QPCT: variants seen among roughly 807,000 people sequenced by gnomAD.
The protein encoded by QPCT is EC.
QPCT carries 44 observed loss-of-function variants against 43.4 expected under a neutral mutation model. The ratio of observed to expected loss-of-function variants is 1.01; its 90% CI spans 0.80 to 1.30. The LOEUF (loss-of-function observed/expected upper bound fraction) is 1.30. Among genes scored for constraint, QPCT ranks in the 50% most tolerant of loss-of-function variants. QPCT has a pLI of 0.00. For missense variants in QPCT, 526 were observed against 436.5 expected, an observed-to-expected ratio of 1.21 and a Z score of -1.83; for synonymous variants, 168 against 168.4, an observed-to-expected ratio of 1.00 and a Z score of 0.02.
At chr2:37,345,901 T>C (rs1486854517) in intron 1 of QPCT, among the ~76,000 whole-genome samples, 1 of 152,204 alleles carries the variant, frequency 6.6e-6, no homozygotes, top group Non-Finnish European at 1.5e-5. Flanking sequence ...TTACTTCCTT[T>C]TCTTGTGTAA....
chr2:37,371,764 C>T (rs888979980), intron 5 of QPCT, among the ~76,000 whole-genome samples: 1 of 152,140 alleles, frequency 6.6e-6, no homozygotes, highest in African/African-American at 2.4e-5. Context: ...GATTGCTGGA[C>T]TCCAGCCCCA....
intron 3 of QPCT, among the ~76,000 whole-genome samples, chr2:37,361,413 C>G (rs1330645611): frequency 1.3e-5 from 2 of 152,218 alleles, no homozygotes; most frequent in African/African-American, 4.8e-5. Flanking sequence ...GCTGTGCCCT[C>G]CCACTGTAGC....
chr2:37,366,449 G>A (rs780029113), intron 3 of QPCT, among the ~76,000 whole-genome samples: 1 of 152,152 alleles, frequency 6.6e-6, no homozygotes, highest in Non-Finnish European at 1.5e-5. Flanking sequence ...CCCAACTAAA[G>A]TATAGGCTAT....
chr2:37,350,776 A>G (rs79534557), intron 1 of QPCT, among the ~76,000 whole-genome samples: 3,648 of 152,342 alleles, frequency 0.024, 65 homozygotes, highest in Middle Eastern at 0.051. Flanking sequence ...AATTCATTCT[A>G]TGGCTCTTTA....
chr2:37,357,297 A>G (rs1304502935), intron 2 of QPCT, among the ~76,000 whole-genome samples: 1 of 149,892 alleles, frequency 6.7e-6, no homozygotes, highest in Admixed American at 6.6e-5. Context: ...TTTTTTTTTA[A>G]ATGACCCATT....
rs1255538124 is a variant in QPCT, at chr2:37,367,235, G to A, written c.550G>A (p.Val184Ile). ...LDKKLLSLKT[V>I]SDSKPDLSLQ... is the part of the protein sequence containing the mutation. The stretch of plus-strand genomic sequence containing the variant: ...TTTTTATTGTTGTTTTTACCAGACT[G>A]TTTCAGACTCCAAGCCAGATTTGTC... Residue 184 changes from valine (V) to isoleucine (I), a missense_variant, in exon 4 of 7, where the codon GTT becomes ATT. Transcript: ENST00000338415. The A allele has an allele frequency of 6.2e-7, 1 of 1,612,168 alleles. No homozygotes were observed. The highest frequency in any genetic ancestry group is 1.7e-5 in the Admixed American group (1 of 59,696).
In QPCT at chr2:37,355,213, G is replaced by C. The variant is rs569709055; in HGVS notation, c.267+2278G>C. Among the ~76,000 whole-genome samples, 4 of 152,222 alleles carry C rather than the reference G, an allele frequency of 2.6e-5. No individual in the cohort carries two copies. The East Asian group carries it at 7.7e-4, about 29-fold the overall frequency. ...TAGATTCCATTTTAGAATTTTTTGA[G>C]AAGAAAATTACCATTAATTTTTAGA... is the stretch of plus-strand genomic sequence containing the variant. On this transcript the variant is annotated intron_variant, in intron 2 of 6. Coordinates refer to ENST00000338415, the MANE Select transcript of QPCT (RefSeq NM_012413.4).
At chr2:37,353,949 C>T (rs759834427) in intron 2 of QPCT, among the ~76,000 whole-genome samples, 5 of 152,238 alleles carry the variant, frequency 3.3e-5, no homozygotes, top group Admixed American at 6.5e-5. Context: ...CCTGCAACCT[C>T]CACCTCCTGG....
intron 2 of QPCT, 108 bp downstream of exon 2, chr2:37,353,043 C>T (rs1028548215): frequency 1.5e-6 from 2 of 1,294,638 alleles, no homozygotes; most frequent in Non-Finnish European, 2.1e-6. Context: ...GATCTGTCAT[C>T]TCCTCATTCA....
chr2:37,369,998 C>T (rs554773370), intron 5 of QPCT, among the ~76,000 whole-genome samples: 60 of 152,030 alleles, frequency 3.9e-4, no homozygotes, highest in African/African-American at 5.8e-4. Flanking sequence ...TTAGTAGAGA[C>T]GGGGTTTCAC....
rs1048826493 is a variant in QPCT at position 37,359,843 on chromosome 2, A to C, written c.531A>C (p.Lys177Asn). The change falls in exon 3 of 7, where the codon AAA (lysine) becomes AAC (asparagine). Residue 177 changes from lysine to asparagine, a missense_variant. Physicochemically the swap from Lys to Asn is moderately conservative, Grantham distance 94 (BLOSUM62 0). Coordinates refer to ENST00000338415, the MANE Select transcript of QPCT (RefSeq NM_012413.4). ...AACTTGCTCGTGCCTTAGACAAGAA[A>C]CTCCTTTCCTTAAAGGTATCTGTTT... Reference protein sequence around the residue: ...MLELARALDKKLLSLKTVSDS... With the variant: ...MLELARALDKNLLSLKTVSDS... 6.2e-7 allele frequency: 1 copy of C among 1,613,812 alleles called. No homozygotes were observed. Among genetic ancestry groups the C allele is most frequent in the Admixed American group, 1.7e-5 (1 of 59,984 alleles).
chr2:37,371,660 G>A (rs1022125010), intron 5 of QPCT, among the ~76,000 whole-genome samples: 1 of 152,068 alleles, frequency 6.6e-6, no homozygotes, highest in East Asian at 1.9e-4. Flanking sequence ...GTAATCTCTT[G>A]TCATCTTGTA....
chr2:37,368,484 T>TA (rs762061404), intron 4 of QPCT: 87 of 416,742 alleles, frequency 2.1e-4, no homozygotes, highest in Non-Finnish European at 3.7e-4. Context: ...TGTGAACTGA[T>TA]AGCTTATTCC....
chr2:37,345,114 G>A (rs1039839563), intron 1 of QPCT, among the ~76,000 whole-genome samples: 2 of 152,188 alleles, frequency 1.3e-5, no homozygotes, highest in Admixed American at 1.3e-4. Context: ...GGTCTGATGG[G>A]GGTGCTGATA....
intron 1 of QPCT, among the ~76,000 whole-genome samples, chr2:37,349,849 T>G (rs1179988974): frequency 6.6e-6 from 1 of 152,192 alleles, no homozygotes; most frequent in African/African-American, 2.4e-5. Flanking sequence ...CCATGTTACT[T>G]TATTATTATA....
intron 3 of QPCT, among the ~76,000 whole-genome samples, chr2:37,361,532 C>T (rs1362118453): frequency 3.3e-5 from 5 of 152,192 alleles, no homozygotes. Context: ...GTGCTTGTGC[C>T]ATTGGGCTTG....
At chr2:37,371,191 C>G (rs1275180520) in intron 5 of QPCT, among the ~76,000 whole-genome samples, 1 of 152,002 alleles carries the variant, frequency 6.6e-6, no homozygotes, top group South Asian at 2.1e-4. Flanking sequence ...ATTTTCCTTA[C>G]TTTGATGGTA....
intron 2 of QPCT, among the ~76,000 whole-genome samples, chr2:37,357,171 A>C (rs1558603128): frequency 6.6e-6 from 1 of 152,124 alleles, no homozygotes; most frequent in Admixed American, 6.5e-5. Context: ...TAACAGATAT[A>C]TTTTTTAAAA....
intron 1 of QPCT, among the ~76,000 whole-genome samples, chr2:37,345,134 A>T (rs1672455382): frequency 6.6e-6 from 1 of 152,116 alleles, no homozygotes; most frequent in African/African-American, 2.4e-5. Flanking sequence ...AGGCACAGGA[A>T]ATGTGTCTCG....
Sources: gnomAD v4.1 joint callset for allele counts (sites outside exome capture counted in the v4.1 genomes callset) on GRCh38, gnomAD v4.1.1 for gene constraint, MANE v1.5 for transcripts, NCBI Gene and HGNC (gene_info 2026-07-23, HGNC 2026-07-21) for gene names.